KCNN2: variants seen among roughly 807,000 people sequenced by gnomAD.
KCNN2 encodes the protein potassium calcium-activated channel subfamily N member 2.
KCNN2 carries 24 observed loss-of-function variants against 55.5 expected under a neutral mutation model. The observed-to-expected ratio is 0.43, with a 90% CI of 0.31 to 0.61. The LOEUF (loss-of-function observed/expected upper bound fraction) is 0.61, where lower values mean the gene tolerates loss of function less well. KCNN2 is among the 20% of genes least tolerant of loss of function. The pLI is 0.08. For synonymous variants in KCNN2, 431 were observed against 336.1 expected (o/e 1.28, Z -3.09); for missense variants, 754 against 853.6 (o/e 0.88, Z 1.45).
At chr5:114,158,469 T>C (rs1168599476) in intron 1 of KCNN2, among the ~76,000 whole-genome samples, 1 of 152,146 alleles carries the variant, frequency 6.6e-6, no homozygotes, top group Non-Finnish European at 1.5e-5. Context: ...TGGCTTAGGA[T>C]TGACTTGGCA....
intron 1 of KCNN2, among the ~76,000 whole-genome samples, chr5:114,108,419 A>G (rs1199136855): frequency 6.6e-6 from 1 of 152,076 alleles, no homozygotes; most frequent in Non-Finnish European, 1.5e-5. Flanking sequence ...AGTGAATTAT[A>G]CAGCTCTTAA....
Position 114,350,203 on chromosome 5 carries a change from A to G in KCNN2, c.-184-10742A>G, listed in dbSNP as rs567961310. Among the ~76,000 whole-genome samples, 4 of 152,124 alleles carry G rather than the reference A, an allele frequency of 2.6e-5. No individual in the cohort carries two copies. The East Asian group carries it at 7.7e-4, about 29-fold the overall frequency. ...TGCATGTATACACTATATAATGATCACATCAGGATAATTACCATATCTATC... is the reference window on the plus strand; with the variant it reads ...TGCATGTATACACTATATAATGATCGCATCAGGATAATTACCATATCTATC... On this transcript the variant is annotated intron_variant, in intron 2 of 10. Coordinates refer to the KCNN2 transcript ENST00000512097.
At chr5:114,345,597 G>A (rs1757091074) in intron 2 of KCNN2, among the ~76,000 whole-genome samples, 1 of 151,948 alleles carries the variant, frequency 6.6e-6, no homozygotes, top group Admixed American at 6.5e-5. Context: ...AGAAAGAACC[G>A]ATCTAACTAA....
At chr5:114,277,783 A>T (rs10064926) in intron 2 of KCNN2, among the ~76,000 whole-genome samples, 1 of 152,048 alleles carries the variant, frequency 6.6e-6, no homozygotes. Context: ...GGGTTAGAAC[A>T]TGCTCCTTTA....
intron 1 of KCNN2, among the ~76,000 whole-genome samples, chr5:114,058,674 A>T (rs1295837804): frequency 6.6e-6 from 1 of 152,228 alleles, no homozygotes; most frequent in Non-Finnish European, 1.5e-5. Flanking sequence ...AAAGCAGCCT[A>T]GAGTGACGCA....
chr5:114,393,390 T>C (rs1386493541), intron 2 of KCNN2, among the ~76,000 whole-genome samples: 1 of 152,188 alleles, frequency 6.6e-6, no homozygotes. Flanking sequence ...TGTTTGGCTG[T>C]GTACACTGTC....
intron 1 of KCNN2, among the ~76,000 whole-genome samples, chr5:114,157,038 G>T (rs1752650432): frequency 6.6e-6 from 1 of 151,262 alleles, no homozygotes; most frequent in South Asian, 2.1e-4. Flanking sequence ...AAGTTTTAGG[G>T]TACATGTGCA....
intron 2 of KCNN2, among the ~76,000 whole-genome samples, chr5:114,384,003 T>C (rs1277828820): frequency 6.6e-6 from 1 of 152,196 alleles, no homozygotes; most frequent in Non-Finnish European, 1.5e-5. Context: ...TTCATCTACA[T>C]TGTAGTTCTT....
chr5:114,430,289 T>A (rs1290941189), intron 3 of KCNN2, among the ~76,000 whole-genome samples: 1 of 152,110 alleles, frequency 6.6e-6, no homozygotes, highest in Non-Finnish European at 1.5e-5. Context: ...TTCTTGGATT[T>A]CTTTCCTCAG....
In KCNN2 at chr5:114,255,852, TTTA is replaced by T. The variant is rs1160320065; in HGVS notation, c.-185+34293_-185+34295del. Reference sequence around the variant, plus strand: ...GTGATTCAACAGTTGTTCAAAGTTTTTTATTATTTGTATTTTTATCAATTTAGG... The same window carrying T: ...GTGATTCAACAGTTGTTCAAAGTTTTTTATTTGTATTTTTATCAATTTAGG... On this transcript the variant is annotated intron_variant, in intron 2 of 10. Transcript: ENST00000512097. 2.6e-5 allele frequency among the ~76,000 whole-genome samples: 4 copies of T among 152,152 alleles called. No individual in the cohort carries two copies. The East Asian group carries it at 5.8e-4, about 22-fold the overall frequency.
intron 2 of KCNN2, among the ~76,000 whole-genome samples, chr5:114,403,124 C>T (rs1022320331): frequency 9.9e-5 from 15 of 152,072 alleles, no homozygotes; most frequent in African/African-American, 3.6e-4. Flanking sequence ...AGTATTTATC[C>T]TGAGTTTGTA....
intron 3 of KCNN2, among the ~76,000 whole-genome samples, chr5:114,446,133 A>G (rs1373338963): frequency 6.6e-6 from 1 of 152,212 alleles, no homozygotes; most frequent in African/African-American, 2.4e-5. Flanking sequence ...ACTAATATAC[A>G]AAAATGAGTC....
At chr5:114,227,108 T>G (rs1263669867) in intron 2 of KCNN2, among the ~76,000 whole-genome samples, 2 of 152,088 alleles carry the variant, frequency 1.3e-5, no homozygotes, top group East Asian at 3.9e-4. Flanking sequence ...GTCTGAAAAG[T>G]TTTAATCATT....
intron 2 of KCNN2, among the ~76,000 whole-genome samples, chr5:114,341,222 C>T (rs1757009736): frequency 6.6e-6 from 1 of 152,108 alleles, no homozygotes; most frequent in East Asian, 1.9e-4. Context: ...TGTAAATCTC[C>T]AGCATTTGAA....
intron 2 of KCNN2, among the ~76,000 whole-genome samples, chr5:114,343,944 T>C (rs1033623069): frequency 6.6e-6 from 1 of 152,154 alleles, no homozygotes; most frequent in Non-Finnish European, 1.5e-5. Flanking sequence ...CCTGGAGACA[T>C]CTGAGAACAG....
At chr5:114,069,601 A>G (rs1750524923) in intron 1 of KCNN2, among the ~76,000 whole-genome samples, 1 of 152,084 alleles carries the variant, frequency 6.6e-6, no homozygotes, top group Non-Finnish European at 1.5e-5. Flanking sequence ...ATCTATCACC[A>G]GCAATATCTT....
intron 2 of KCNN2, among the ~76,000 whole-genome samples, chr5:114,392,806 GTT>G (rs70976343): frequency 0.2 from 27,428 of 140,484 alleles, 2,910 homozygotes; most frequent in South Asian, 0.26. Flanking sequence ...TTTTTGTGGG[GTT>G]TTTTTTTTTT....
chr5:114,363,286 G>A (rs1214662807), intron 1 of KCNN2, 25 bp downstream of exon 1: 2 of 1,560,012 alleles, frequency 1.3e-6, no homozygotes, highest in Non-Finnish European at 1.7e-6. Flanking sequence ...CCCAGCCCAC[G>A]CTACCGGAGT....
chr5:114,161,986 C>T (rs757576605), intron 1 of KCNN2, among the ~76,000 whole-genome samples: 43 of 152,204 alleles, frequency 2.8e-4, no homozygotes, highest in Non-Finnish European at 3.7e-4. Flanking sequence ...TCTTCTGAAG[C>T]CTTCTTCTCT....
Sources: gnomAD v4.1 joint callset for allele counts (sites outside exome capture counted in the v4.1 genomes callset) on GRCh38, gnomAD v4.1.1 for gene constraint, MANE v1.5 for transcripts, NCBI Gene and HGNC (gene_info 2026-07-23, HGNC 2026-07-21) for gene names.